ZNFX1: variants seen among roughly 807,000 people sequenced by gnomAD.
ZNFX1 encodes NFX1-type zinc finger-containing protein 1.
ZNFX1 carries 78 observed loss-of-function variants against 179.8 expected under a neutral mutation model. The ratio of observed to expected loss-of-function variants is 0.43; its 90% CI spans 0.36 to 0.52. ZNFX1 has a LOEUF of 0.52. Ranked by LOEUF, ZNFX1 falls within the 20% of genes least tolerant of loss-of-function variation. ZNFX1 has a pLI of 0.00. For missense variants in ZNFX1, 1,927 were observed against 2,386.6 expected (o/e 0.81, Z 4.01); for synonymous variants, 848 against 868.5 (o/e 0.98, Z 0.42).
chr20:49,251,166 C>T (rs773879322), intron 13 of ZNFX1, among the ~76,000 whole-genome samples: 48 of 151,626 alleles, frequency 3.2e-4, no homozygotes, highest in Non-Finnish European at 5.3e-4. Context: ...GACAGGGAGT[C>T]TCTCTCCGCT....
Position 49,249,484 on chromosome 20 carries a change from C to G in ZNFX1, c.3540G>C (p.Arg1180Ser). Residue 1180 changes from arginine to serine, a missense_variant, in exon 14 of 14, where the codon AGG (arginine) becomes AGC (serine). Transcript: ENST00000396105. ...CTTGGTATTTGTCCACAACATGGAC[C>G]CTGACGCCAGCAAATGTCTTGGCAG... ...LMPAKTFAGV[R>S]VHVVDKYQGE... 1 of 1,614,154 alleles carries G rather than the reference C, an allele frequency of 6.2e-7. No individual in the cohort carries two copies. The highest frequency in any genetic ancestry group is 8.5e-7 in the Non-Finnish European group (1 of 1,180,032).
chr20:49,249,851 C>G (rs1389833195), intron 13 of ZNFX1, 140 bp from the exon 14 acceptor site: 10 of 769,590 alleles, frequency 1.3e-5, no homozygotes, highest in Non-Finnish European at 2.1e-5. Context: ...ACATCACTAT[C>G]TTTAGTTCTT....
rs1568982037 is a variant in ZNFX1 at position 49,252,774 on chromosome 20, G to A, written c.3162C>T (p.Ser1054=). The change falls in exon 12 of 14, where the codon TCC becomes TCT. Residue 1054 remains serine, a synonymous_variant. Coordinates refer to ENST00000396105, the MANE Select transcript of ZNFX1 (RefSeq NM_021035.3). ...TTACTTTCACTAGCCGTTCAAAAAG[G>A]GACACCTCAAGGTTGAAGTTCTTGG... The part of the protein sequence containing the change: ...DLAKNFNLEV[S]LFERLVKVNI... 1.9e-6 allele frequency: 3 copies of A among 1,614,118 alleles called. No homozygotes were observed. The highest frequency in any genetic ancestry group is 1.7e-5 in the Admixed American group (1 of 60,002).
At chr20:49,275,757 T>C (rs374554174) in intron 2 of ZNFX1, 22 bp downstream of exon 2, 79 of 1,611,990 alleles carry the variant, frequency 4.9e-5, no homozygotes, top group South Asian at 2.4e-4. Context: ...TTCCTTCTCA[T>C]TAGGTAGGAA....
intron 6 of ZNFX1, 124 bp from the exon 7 acceptor site, chr20:49,260,701 G>C (rs778879253): frequency 1.1e-5 from 7 of 647,482 alleles, no homozygotes; most frequent in Non-Finnish European, 1.8e-5. Flanking sequence ...CAGCAATTTG[G>C]AAGGCCAAGG....
At chr20:49,257,755 G>A in intron 7 of ZNFX1, 91 bp from the exon 8 acceptor site, 5 of 1,463,338 alleles carry the variant, frequency 3.4e-6, no homozygotes, top group Non-Finnish European at 4.5e-6. Flanking sequence ...AGGGTGGAGT[G>A]CGGTGGTGCG....
At chr20:49,254,350 G>A (rs1980916501) in intron 10 of ZNFX1, 145 bp downstream of exon 10, 1 of 1,128,066 alleles carries the variant, frequency 8.9e-7, no homozygotes, top group South Asian at 1.5e-5. Flanking sequence ...TTCACCAAGA[G>A]TTCTCAAAAT....
At chr20:49,264,016 G>A (rs1310910389) in intron 5 of ZNFX1, among the ~76,000 whole-genome samples, 1 of 152,202 alleles carries the variant, frequency 6.6e-6, no homozygotes, top group African/African-American at 2.4e-5. Flanking sequence ...GAGGTCAAGA[G>A]ATCGAGACCA....
intron 7 of ZNFX1, 69 bp from the exon 8 acceptor site, chr20:49,257,733 G>A (rs187795919): frequency 2.0e-5 from 30 of 1,483,418 alleles, no homozygotes; most frequent in African/African-American, 3.1e-5. Context: ...ATGGAATCTC[G>A]CTCTTTTGCC....
intron 5 of ZNFX1, among the ~76,000 whole-genome samples, chr20:49,264,214 C>G (rs897253700): frequency 6.6e-6 from 1 of 152,046 alleles, no homozygotes; most frequent in Non-Finnish European, 1.5e-5. Flanking sequence ...TGAGCAAGAC[C>G]CTGTCTCAAA....
intron 3 of ZNFX1, among the ~76,000 whole-genome samples, chr20:49,269,351 T>C (rs750979455): frequency 5.3e-5 from 8 of 152,108 alleles, no homozygotes; most frequent in Non-Finnish European, 8.8e-5. Context: ...CAGGGCCTAC[T>C]TCAGGATAGA....
intron 2 of ZNFX1, among the ~76,000 whole-genome samples, chr20:49,273,908 C>T (rs1390924667): frequency 2.6e-5 from 4 of 152,186 alleles, no homozygotes; most frequent in Non-Finnish European, 5.9e-5. Context: ...CCAGCCTGGG[C>T]AACAGAGCAA....
rs767136056 is a variant in ZNFX1, at chr20:49,271,675, C to A, written c.137G>T (p.Gly46Val). 6.2e-7 allele frequency: 1 copy of A among 1,613,862 alleles called. No individual in the cohort carries two copies. The highest frequency in any genetic ancestry group is 8.5e-7 in the Non-Finnish European group (1 of 1,179,960). ...NNPPANALRG[G>V]ASHPGRHPRA... ...AGGATGCCTTCCAGGGTGGCTGGCT[C>A]CTCCTCGGAGAGCATTGGCTGGTGG... The change falls in exon 3 of 14, where the codon GGA (glycine) becomes GTA (valine). Residue 46 changes from glycine to valine, a missense_variant. By Grantham distance (109) the Gly-to-Val change is moderately radical (BLOSUM62 -3). Coordinates refer to ENST00000396105, the MANE Select transcript of ZNFX1 (RefSeq NM_021035.3).
Position 49,249,147 on chromosome 20 carries a change from C to T in ZNFX1, c.3877G>A (p.Glu1293Lys), listed in dbSNP as rs1434844469. ...VPEGGCSLPC[E>K]FRLGCGHVCT... ...ACATGCCCACAGCCCAGGCGGAACT[C>T]GCAGGGCAGGCTGCAGCCTCCTTCG... The change falls in exon 14 of 14, where the codon GAG (glutamate) becomes AAG (lysine). Residue 1293 changes from glutamate (E) to lysine (K), a missense_variant. Coordinates refer to ENST00000396105, the MANE Select transcript of ZNFX1 (RefSeq NM_021035.3). 9 of 1,614,074 alleles carry T rather than the reference C, an allele frequency of 5.6e-6. No homozygotes were observed. Among genetic ancestry groups the T allele is most frequent in the African/African-American group, 2.7e-5 (2 of 74,932 alleles).
At chr20:49,254,040 T>C (rs1363834887) in intron 10 of ZNFX1, among the ~76,000 whole-genome samples, 3 of 149,210 alleles carry the variant, frequency 2.0e-5, no homozygotes, top group African/African-American at 7.5e-5. Flanking sequence ...TTTTTTTTTT[T>C]TTCTTTGAGA....
chr20:49,265,767 T>C (rs1451449186), intron 4 of ZNFX1, among the ~76,000 whole-genome samples: 1 of 152,156 alleles, frequency 6.6e-6, no homozygotes, highest in Non-Finnish European at 1.5e-5. Context: ...ATAGAAAAAG[T>C]CCACCTGAGA....
In ZNFX1 at chr20:49,251,555, G is replaced by A; in HGVS notation, c.3284C>T (p.Pro1095Leu). 6.2e-7 allele frequency: 1 copy of A among 1,612,654 alleles called. No homozygotes were observed. The highest frequency in any genetic ancestry group is 8.5e-7 in the Non-Finnish European group (1 of 1,179,218). Residue 1095 changes from proline (P) to leucine (L), a missense_variant, in exon 13 of 14, where the codon CCA becomes CTA. Coordinates refer to ENST00000396105, the MANE Select transcript of ZNFX1 (RefSeq NM_021035.3). ...AATCTTCTCATACTTAAGAACAGAT[G>A]GATGATTCTCCAGATCCTGGTAAAT... is the stretch of plus-strand genomic sequence containing the variant. ...PHIYQDLENH[P>L]SVLKYEKIKG...
At position 49,249,325 on chromosome 20, in the gene ZNFX1, G is replaced by A; in HGVS notation, c.3699C>T (p.Asn1233=). The change falls in exon 14 of 14, where the codon AAC becomes AAT. Residue 1233 remains asparagine, a synonymous_variant. Transcript: ENST00000396105. ...GGGGCACCTTGGCCAGCATCTGCAT[G>A]TTTCCGATGCAGTACATTCCCTTCT... ...RAKKGMYCIG[N]MQMLAKVPLW... The A allele has an allele frequency of 6.2e-7, 1 of 1,614,264 alleles. No homozygotes were observed.
At chr20:49,257,844 T>G (rs768826732) in intron 7 of ZNFX1, among the ~76,000 whole-genome samples, 180 bp from the exon 8 acceptor site, 18 of 150,594 alleles carry the variant, frequency 1.2e-4, no homozygotes, top group Non-Finnish European at 2.4e-4. Context: ...TGGGATTACA[T>G]GCACCCACCA....
Sources: gnomAD v4.1 joint callset for allele counts (sites outside exome capture counted in the v4.1 genomes callset) on GRCh38, gnomAD v4.1.1 for gene constraint, MANE v1.5 for transcripts, NCBI Gene and HGNC (gene_info 2026-07-23, HGNC 2026-07-21) for gene names.